The following HIPK2 variants were observed in gnomAD, a reference collection of about 807,000 sequenced individuals.
The protein encoded by HIPK2 is homeodomain interacting protein kinase 2.
A neutral mutation model predicts 113.7 loss-of-function variants in HIPK2; 27 were observed. That is an observed-to-expected ratio of 0.24 (90% CI 0.17 to 0.33). The LOEUF is 0.33. Ranked by LOEUF, HIPK2 falls within the 10% of genes least tolerant of loss-of-function variation. The probability of loss-of-function intolerance (pLI) is 1.00; values close to 1 mark genes in which losing one functional copy is unlikely to be tolerated. For missense variants in HIPK2, 1,257 were observed against 1,588.0 expected (o/e 0.79, Z 3.54); for synonymous variants, 631 against 642.2 (o/e 0.98, Z 0.26).
intron 2 of HIPK2, among the ~76,000 whole-genome samples, chr7:139,688,431 G>C (rs1487608174): frequency 2.0e-5 from 3 of 152,204 alleles, no homozygotes; most frequent in African/African-American, 7.2e-5. Context: ...CTAGAGACTG[G>C]AAGACACAGG....
intron 2 of HIPK2, among the ~76,000 whole-genome samples, chr7:139,689,955 C>A (rs1794347728): frequency 6.6e-6 from 1 of 151,838 alleles, no homozygotes; most frequent in Admixed American, 6.6e-5. Flanking sequence ...TGCTCACCAT[C>A]CACAGTGAGA....
At chr7:139,740,764 G>C (rs752090022) in intron 1 of HIPK2, among the ~76,000 whole-genome samples, 3 of 152,232 alleles carry the variant, frequency 2.0e-5, no homozygotes, top group Non-Finnish European at 4.4e-5. Flanking sequence ...CAACTGGTGA[G>C]TCAGTATCAG....
At chr7:139,767,196 A>C (rs897442237) in intron 1 of HIPK2, among the ~76,000 whole-genome samples, 1 of 152,264 alleles carries the variant, frequency 6.6e-6, no homozygotes, top group Admixed American at 6.5e-5. Flanking sequence ...GCAAATGCTC[A>C]AGCCTACCAC....
intron 2 of HIPK2, among the ~76,000 whole-genome samples, chr7:139,636,184 G>A (rs1800806531): frequency 6.6e-6 from 1 of 151,906 alleles, no homozygotes; most frequent in African/African-American, 2.4e-5. Context: ...ATTCCTTCCT[G>A]CCCTGAAACA....
intron 12 of HIPK2, among the ~76,000 whole-genome samples, chr7:139,591,250 ACTACTTT>A (rs1459777678): frequency 1.3e-5 from 2 of 152,190 alleles, no homozygotes; most frequent in Non-Finnish European, 2.9e-5. Context: ...TTTTTACATG[ACTACTTT>A]CTAGAGAAAT....
chr7:139,569,534 T>C lies in HIPK2; in HGVS notation c.*3393A>G, dbSNP rs1437971727. 2 of 152,176 alleles carry C rather than the reference T, an allele frequency of 1.3e-5. No homozygotes were observed. Among genetic ancestry groups the C allele is most frequent in the Non-Finnish European group, 2.9e-5 (2 of 68,026 alleles). The allele number at this position is 152,176 out of a possible 1,614,324, so 9.4% of individuals were successfully genotyped here. On this transcript the variant is annotated 3_prime_UTR_variant, in exon 15 of 15. Transcript: ENST00000406875. Reference sequence around the variant, plus strand: ...GGGCTGGACAGTCAGTGACTCGACATTCCCCGAGCCCATGAGATGCCACCT... The same window carrying C: ...GGGCTGGACAGTCAGTGACTCGACACTCCCCGAGCCCATGAGATGCCACCT...
intron 2 of HIPK2, among the ~76,000 whole-genome samples, chr7:139,685,498 T>C (rs947278523): frequency 6.6e-6 from 1 of 152,224 alleles, no homozygotes; most frequent in Non-Finnish European, 1.5e-5. Context: ...AGCCGTCTAT[T>C]GGAAGAAGAT....
intron 2 of HIPK2, among the ~76,000 whole-genome samples, chr7:139,674,531 TGAG>T (rs1376169139): frequency 6.6e-6 from 1 of 151,872 alleles, no homozygotes; most frequent in Admixed American, 6.6e-5. Flanking sequence ...AAGAAAGGCA[TGAG>T]GATGGGAAGC....
At chr7:139,588,842 G>C (rs1026019729) in intron 12 of HIPK2, among the ~76,000 whole-genome samples, 14 of 152,166 alleles carry the variant, frequency 9.2e-5, no homozygotes, top group Non-Finnish European at 1.9e-4. Context: ...ACACTGTTTC[G>C]AAGTACTCTG....
chr7:139,702,193 G>A (rs1794728678), intron 2 of HIPK2, among the ~76,000 whole-genome samples: 1 of 152,192 alleles, frequency 6.6e-6, no homozygotes. Flanking sequence ...GCTCAGTTCT[G>A]CAAATATTGG....
At chr7:139,713,646 G>A (rs985922936) in intron 2 of HIPK2, among the ~76,000 whole-genome samples, 4 of 152,214 alleles carry the variant, frequency 2.6e-5, no homozygotes, top group African/African-American at 4.8e-5. Flanking sequence ...ACACTGGTAC[G>A]TGTTCATGAT....
chr7:139,620,392 C>T lies in HIPK2; in HGVS notation c.1782+9G>A. 2 of 1,613,874 alleles carry T rather than the reference C, an allele frequency of 1.2e-6. No individual in the cohort carries two copies. Among genetic ancestry groups the T allele is most frequent in the Non-Finnish European group, 1.7e-6 (2 of 1,179,830 alleles). ...CCCCGCCTCTCCTTCCCTTCTGTTT[C>T]CCACTTACCTGGTTGTGGACAGTGG... is the stretch of plus-strand genomic sequence containing the variant. On this transcript the variant is annotated intron_variant, in intron 7 of 14. Transcript: ENST00000406875.
intron 1 of HIPK2, among the ~76,000 whole-genome samples, chr7:139,764,091 C>T (rs1295475583): frequency 6.6e-6 from 1 of 152,212 alleles, no homozygotes. Flanking sequence ...AGTTATAGTG[C>T]TGTTGGGCAT....
intron 13 of HIPK2, 23 bp downstream of exon 13, chr7:139,583,794 G>A (rs11768190): frequency 6.2e-7 from 1 of 1,602,366 alleles, no homozygotes; most frequent in Non-Finnish European, 8.5e-7. Context: ...AGAGGTTCCT[G>A]CCCTGTCCTG....
chr7:139,758,386 A>C (rs920278624), intron 1 of HIPK2, among the ~76,000 whole-genome samples: 3 of 152,240 alleles, frequency 2.0e-5, no homozygotes, highest in African/African-American at 7.2e-5. Context: ...TAAACTTTTA[A>C]ACAAATAATG....
Position 139,715,967 on chromosome 7 carries a change from A to G in HIPK2, c.1068T>C (p.Ala356=). 6.2e-7 allele frequency: 1 copy of G among 1,614,120 alleles called. No individual in the cohort carries two copies. The part of the protein sequence containing the change: ...DFGSASHVSK[A]VCSTYLQSRY... The stretch of plus-strand genomic sequence containing the variant: ...TGGACTGCAAGTAGGTGGAGCACAC[A>G]GCCTTGGAGACGTGGCTGGCTGAAC... The change falls in exon 2 of 15, where the codon GCT becomes GCC. Residue 356 remains alanine, a synonymous_variant. Transcript: ENST00000406875.
chr7:139,663,094 C>T (rs1007130540), intron 2 of HIPK2, among the ~76,000 whole-genome samples: 2 of 152,168 alleles, frequency 1.3e-5, no homozygotes, highest in Non-Finnish European at 1.5e-5. Flanking sequence ...GACACTAATT[C>T]CTGCTCACAC....
At chr7:139,696,400 C>T (rs1794567905) in intron 2 of HIPK2, among the ~76,000 whole-genome samples, 1 of 151,726 alleles carries the variant, frequency 6.6e-6, no homozygotes, top group African/African-American at 2.4e-5. Context: ...TAGTGAGACC[C>T]CCCGCCACCA....
intron 1 of HIPK2, among the ~76,000 whole-genome samples, chr7:139,744,732 G>T (rs1385098290): frequency 6.6e-6 from 1 of 152,174 alleles, no homozygotes; most frequent in South Asian, 2.1e-4. Flanking sequence ...GGCCCGCTGC[G>T]AAGCCACGTG....
Sources: allele counts gnomAD v4.1 joint callset (sites outside exome capture counted in the v4.1 genomes callset), GRCh38; gene constraint gnomAD v4.1.1; transcripts MANE v1.5; gene names NCBI Gene and HGNC (gene_info 2026-07-23, HGNC 2026-07-21).